The following CALN1 variants were observed in gnomAD, a reference collection of about 807,000 sequenced individuals.
CALN1 encodes calneuron 1.
A neutral mutation model predicts 30.6 loss-of-function variants in CALN1; 17 were observed. That is an observed-to-expected ratio of 0.56 (90% CI 0.38 to 0.83). CALN1 has a LOEUF of 0.83. CALN1 is among the 40% of genes least tolerant of loss of function. CALN1 has a pLI of 0.00. For synonymous variants in CALN1, 156 were observed against 131.4 expected (o/e 1.19, Z -1.28); for missense variants, 291 against 354.9 (o/e 0.82, Z 1.45).
Position 71,932,584 on chromosome 7 carries a change from C to T in CALN1, c.501+91073G>A, listed in dbSNP as rs530231341. 3.4e-4 allele frequency among the ~76,000 whole-genome samples: 52 copies of T among 151,990 alleles called. No individual in the cohort carries two copies. The East Asian group carries it at 5.1e-3, about 15-fold the overall frequency. Reference sequence around the variant, plus strand: ...ATCCCAGAACTTTCGGAGGCCGAGGCGGGCGGATCACAACGTCAGGAGATC... The same window carrying T: ...ATCCCAGAACTTTCGGAGGCCGAGGTGGGCGGATCACAACGTCAGGAGATC... On this transcript the variant is annotated intron_variant, in intron 5 of 6. Coordinates refer to ENST00000395275, the MANE Select transcript of CALN1 (RefSeq NM_031468.4).
At chr7:72,503,240 T>C in the CALN1 span, among the ~76,000 whole-genome samples, 1 of 152,200 alleles carries the variant, frequency 6.6e-6, no homozygotes, top group Non-Finnish European at 1.5e-5. Flanking sequence ...GCTAGCACTA[T>C]TCAGGATGAT....
At chr7:71,885,082 C>T (rs1359222328) in intron 5 of CALN1, among the ~76,000 whole-genome samples, 1 of 152,214 alleles carries the variant, frequency 6.6e-6, no homozygotes, top group Non-Finnish European at 1.5e-5. Flanking sequence ...AAAACTTCAC[C>T]TATAGCCTGG....
intron 6 of CALN1, among the ~76,000 whole-genome samples, chr7:71,805,737 T>C (rs371415501): frequency 6.1e-4 from 93 of 152,300 alleles, no homozygotes; most frequent in Middle Eastern, 3.4e-3. Context: ...TATAAGATTA[T>C]AGTTCTTTAT....
At chr7:72,488,224 AG>A in the CALN1 span, among the ~76,000 whole-genome samples, 1 of 151,844 alleles carries the variant, frequency 6.6e-6, no homozygotes, top group African/African-American at 2.4e-5. Context: ...TTTTTTAATT[AG>A]CCAGGCATGG....
Position 72,016,765 on chromosome 7 carries a change from C to T in CALN1, c.501+6892G>A, listed in dbSNP as rs138114745. 2.5e-3 allele frequency among the ~76,000 whole-genome samples: 379 copies of T among 151,852 alleles called. 2 individuals carry two copies. Among genetic ancestry groups the T allele is most frequent in the African/African-American group, 8.6e-3 (356 of 41,372 alleles). On this transcript the variant is annotated intron_variant, in intron 5 of 6. Coordinates refer to ENST00000395275, the MANE Select transcript of CALN1 (RefSeq NM_031468.4). ...AACCACCTGCCCATCTCTGCCATCACGGTGGGACCAGCTTATAAAATGTCC... is the reference window on the plus strand; with the variant it reads ...AACCACCTGCCCATCTCTGCCATCATGGTGGGACCAGCTTATAAAATGTCC...
At chr7:72,224,989 T>G (rs1010511063) in intron 3 of CALN1, among the ~76,000 whole-genome samples, 1 of 151,442 alleles carries the variant, frequency 6.6e-6, no homozygotes, top group African/African-American at 2.4e-5. Flanking sequence ...TCCCAGCTAC[T>G]TGGGAGGCTG....
intron 3 of CALN1, among the ~76,000 whole-genome samples, chr7:72,112,309 G>A (rs552790198): frequency 1.3e-5 from 2 of 152,306 alleles, no homozygotes; most frequent in South Asian, 2.1e-4. Flanking sequence ...CCTCAAATTG[G>A]TAATGAAGAA....
chr7:72,158,759 G>A (rs923709486), intron 3 of CALN1, among the ~76,000 whole-genome samples: 1 of 152,200 alleles, frequency 6.6e-6, no homozygotes, highest in Non-Finnish European at 1.5e-5. Context: ...CGAGTAGTTT[G>A]AAAGTACCCG....
At chr7:72,255,799 C>G (rs113780185) in intron 3 of CALN1, among the ~76,000 whole-genome samples, 1 of 151,142 alleles carries the variant, frequency 6.6e-6, no homozygotes, top group Non-Finnish European at 1.5e-5. Flanking sequence ...GGCGCAATCT[C>G]GGCTCACTGC....
intron 5 of CALN1, among the ~76,000 whole-genome samples, chr7:71,966,039 G>GAA (rs34868790): frequency 6.6e-6 from 1 of 151,986 alleles, no homozygotes; most frequent in African/African-American, 2.4e-5. Context: ...ATACTCAATA[G>GAA]AAAAATCAGC....
intron 3 of CALN1, among the ~76,000 whole-genome samples, chr7:72,148,907 CAAAAAAAA>C (rs1786989764): frequency 2.7e-5 from 1 of 37,106 alleles, no homozygotes; most frequent in East Asian, 8.3e-4. Context: ...CCACCAAAAA[CAAAAAAAA>C]GAAAGAAAGA....
intron 3 of CALN1, among the ~76,000 whole-genome samples, chr7:72,107,043 A>G (rs557504168): frequency 1.8e-4 from 28 of 151,860 alleles, no homozygotes; most frequent in African/African-American, 2.9e-4. Context: ...AGAAAGAAAG[A>G]AGGAGGAAGG....
intron 3 of CALN1, among the ~76,000 whole-genome samples, chr7:72,215,046 A>T (rs1449172411): frequency 6.6e-6 from 1 of 152,104 alleles, no homozygotes; most frequent in Admixed American, 6.6e-5. Flanking sequence ...AATAAAGTGC[A>T]CAATAAATGG....
chr7:71,946,994 G>C (rs748547695), intron 5 of CALN1, among the ~76,000 whole-genome samples: 1 of 152,012 alleles, frequency 6.6e-6, no homozygotes, highest in Admixed American at 6.6e-5. Flanking sequence ...TTTGGTGGGA[G>C]TTGTGTTTTT....
chr7:71,809,731 A>T (rs1268964820), intron 6 of CALN1, among the ~76,000 whole-genome samples: 1 of 152,096 alleles, frequency 6.6e-6, no homozygotes, highest in East Asian at 1.9e-4. Context: ...GAATAAAAAA[A>T]AATAACCTTT....
At chr7:71,855,611 C>T (rs1371168116) in intron 5 of CALN1, among the ~76,000 whole-genome samples, 1 of 152,126 alleles carries the variant, frequency 6.6e-6, no homozygotes. Flanking sequence ...TTCCGTCTGA[C>T]CCTAGGCAGC....
intron 5 of CALN1, among the ~76,000 whole-genome samples, chr7:72,019,300 G>A (rs1293611454): frequency 6.6e-6 from 1 of 152,134 alleles, no homozygotes; most frequent in Non-Finnish European, 1.5e-5. Context: ...AGCAATGTCA[G>A]ATCAGAAGTT....
chr7:72,157,293 G>A (rs377711879), intron 3 of CALN1, among the ~76,000 whole-genome samples: 3 of 152,260 alleles, frequency 2.0e-5, no homozygotes, highest in East Asian at 1.9e-4. Flanking sequence ...AAAAATTCCT[G>A]ATCTAGGAAG....
intron 1 of CALN1, among the ~76,000 whole-genome samples, chr7:72,404,281 G>A (rs1713057386): frequency 6.6e-6 from 1 of 152,158 alleles, no homozygotes; most frequent in Admixed American, 6.5e-5. Context: ...AGGCAGGGAA[G>A]AGCTCAGATG....
Sources: allele counts gnomAD v4.1 joint callset (sites outside exome capture counted in the v4.1 genomes callset), GRCh38; gene constraint gnomAD v4.1.1; transcripts MANE v1.5; gene names NCBI Gene and HGNC (gene_info 2026-07-23, HGNC 2026-07-21).